Variants in ERBB4 observed in about 807,000 individuals in gnomAD.
ERBB4 encodes the protein erb-b2 receptor tyrosine kinase 4, also known as receptor tyrosine-protein kinase erbB-4.
ERBB4 carries 42 observed loss-of-function variants against 158.0 expected under a neutral mutation model. The observed-to-expected ratio is 0.27, with a 90% CI of 0.21 to 0.34. The LOEUF (loss-of-function observed/expected upper bound fraction) is 0.34, where lower values mean the gene tolerates loss of function less well. ERBB4 is among the 10% of genes least tolerant of loss of function. The pLI, the probability that ERBB4 is intolerant of heterozygous loss-of-function variation, is 1.00. For missense variants in ERBB4, 1,333 were observed against 1,624.1 expected, an observed-to-expected ratio of 0.82 and a Z score of 3.08; for synonymous variants, 583 against 558.7, an observed-to-expected ratio of 1.04 and a Z score of -0.61.
At chr2:211,675,933 T>C (rs2072054339) in intron 13 of ERBB4, among the ~76,000 whole-genome samples, 1 of 151,614 alleles carries the variant, frequency 6.6e-6, no homozygotes, top group African/African-American at 2.4e-5. Flanking sequence ...AAAAAGAAAA[T>C]AATGATAACA....
chr2:212,001,805 T>C (rs1008719451), intron 2 of ERBB4, among the ~76,000 whole-genome samples: 7 of 152,190 alleles, frequency 4.6e-5, no homozygotes, highest in African/African-American at 1.4e-4. Context: ...TACAAATTGC[T>C]TTATCCCCAA....
chr2:211,905,922 T>C (rs1057468321), intron 3 of ERBB4, among the ~76,000 whole-genome samples: 17 of 151,242 alleles, frequency 1.1e-4, no homozygotes, highest in African/African-American at 3.9e-4. Flanking sequence ...AGGTAGGGTG[T>C]TTGTGCACTT....
Position 211,424,067 on chromosome 2 carries a change from A to C in ERBB4, c.2866+88T>G, listed in dbSNP as rs1002187674. 5.3e-6 allele frequency: 7 copies of C among 1,324,330 alleles called. No individual in the cohort carries two copies. The African/African-American group carries it at 1.0e-4, about 19-fold the overall frequency. 82.0% of individuals were successfully genotyped at this position (1,324,330 alleles called of 1,614,324 possible). A position where few individuals can be genotyped will look rare whatever the true frequency, so the allele number is the denominator to read the frequency against. On this transcript the variant is annotated intron_variant, in intron 23 of 27. Transcript: ENST00000342788. ...TGTTTTTGAACTGTCGTATTTTTCAATACAGAGAAATGTTGTACAGATTGA... is the reference window on the plus strand; with the variant it reads ...TGTTTTTGAACTGTCGTATTTTTCACTACAGAGAAATGTTGTACAGATTGA...
intron 1 of ERBB4, among the ~76,000 whole-genome samples, chr2:212,444,294 A>G (rs778843132): frequency 6.6e-6 from 1 of 152,204 alleles, no homozygotes; most frequent in Non-Finnish European, 1.5e-5. Flanking sequence ...CAGTGAAGGA[A>G]AATTTTCCCA....
intron 1 of ERBB4, among the ~76,000 whole-genome samples, chr2:212,190,536 CA>C (rs11362884): frequency 0.76 from 98,418 of 129,084 alleles, 36,969 homozygotes; most frequent in South Asian, 0.87. Flanking sequence ...GACTCCGTCT[CA>C]AAAAAAAAAA....
At chr2:211,598,167 C>A (rs2068695074) in intron 19 of ERBB4, among the ~76,000 whole-genome samples, 1 of 152,056 alleles carries the variant, frequency 6.6e-6, no homozygotes, top group South Asian at 2.1e-4. Context: ...CCACGTCCTC[C>A]TCCTGTCCCC....
intron 1 of ERBB4, among the ~76,000 whole-genome samples, chr2:212,223,147 C>A (rs888275479): frequency 1.3e-5 from 2 of 151,280 alleles, no homozygotes; most frequent in African/African-American, 2.4e-5. Flanking sequence ...ATCTGAAAAT[C>A]TAATTTAACT....
At chr2:212,105,040 A>C (rs1353464766) in intron 2 of ERBB4, among the ~76,000 whole-genome samples, 1 of 152,284 alleles carries the variant, frequency 6.6e-6, no homozygotes, top group Non-Finnish European at 1.5e-5. Context: ...TTCTCAAAAA[A>C]AACCTGGGGA....
At chr2:212,325,256 A>G (rs2087772113) in intron 1 of ERBB4, among the ~76,000 whole-genome samples, 3 of 150,612 alleles carry the variant, frequency 2.0e-5, no homozygotes, top group African/African-American at 4.8e-5. Context: ...ATATAAAGGT[A>G]GTCCATAAAA....
chr2:211,471,827 T>C (rs892005637), intron 20 of ERBB4, among the ~76,000 whole-genome samples: 1 of 152,072 alleles, frequency 6.6e-6, no homozygotes, highest in Non-Finnish European at 1.5e-5. Flanking sequence ...GGCACATTAA[T>C]GAGTGGAACA....
In ERBB4 at chr2:211,711,349, A is replaced by G. The variant is rs140615948; in HGVS notation, c.1124+701T>C. On this transcript the variant is annotated intron_variant, in intron 9 of 27. Transcript: ENST00000342788. The stretch of plus-strand genomic sequence containing the variant: ...TTTATCTGTAGCCTGCAGCACTAAC[A>G]TTTAGGGATTAAGTAGTAATATAGA... 1.9e-3 allele frequency among the ~76,000 whole-genome samples: 284 copies of G among 152,296 alleles called. 1 individual carries two copies. The highest frequency in any genetic ancestry group is 5.9e-3 in the African/African-American group (245 of 41,576).
chr2:212,105,566 G>C (rs1012281566), intron 2 of ERBB4, among the ~76,000 whole-genome samples: 1 of 152,018 alleles, frequency 6.6e-6, no homozygotes, highest in Admixed American at 6.6e-5. Context: ...GTCATTTTTG[G>C]TAGTAATATT....
chr2:211,573,602 G>A (rs540719564), intron 19 of ERBB4, among the ~76,000 whole-genome samples: 5 of 152,200 alleles, frequency 3.3e-5, no homozygotes, highest in Middle Eastern at 3.4e-3. Flanking sequence ...CCCAGGAGGC[G>A]GAGCTTGCAG....
chr2:212,418,732 A>G (rs1217283220), intron 1 of ERBB4, among the ~76,000 whole-genome samples: 1 of 151,788 alleles, frequency 6.6e-6, no homozygotes, highest in Non-Finnish European at 1.5e-5. Context: ...TTAAATAACT[A>G]TAATTAGAAA....
intron 1 of ERBB4, among the ~76,000 whole-genome samples, chr2:212,421,485 G>T (rs2091791556): frequency 6.6e-6 from 1 of 152,006 alleles, no homozygotes; most frequent in African/African-American, 2.4e-5. Flanking sequence ...TATATCTAGT[G>T]TCACAAGTAG....
intron 1 of ERBB4, among the ~76,000 whole-genome samples, chr2:212,503,553 G>A (rs1691018403): frequency 6.6e-6 from 1 of 152,074 alleles, no homozygotes; most frequent in African/African-American, 2.4e-5. Flanking sequence ...CAGGTGTCAG[G>A]AATAATAAAG....
At chr2:211,846,273 C>T (rs762228798) in intron 3 of ERBB4, among the ~76,000 whole-genome samples, 2 of 151,960 alleles carry the variant, frequency 1.3e-5, no homozygotes, top group East Asian at 3.9e-4. Context: ...AATCTCCAGA[C>T]ACTTTTTTTC....
intron 19 of ERBB4, among the ~76,000 whole-genome samples, chr2:211,589,884 G>A (rs1261358646): frequency 1.3e-5 from 2 of 152,042 alleles, no homozygotes; most frequent in Non-Finnish European, 2.9e-5. Flanking sequence ...ATCAATTTGT[G>A]ACCACAGTTA....
At chr2:212,232,145 GTTA>G (rs2083686132) in intron 1 of ERBB4, among the ~76,000 whole-genome samples, 1 of 151,998 alleles carries the variant, frequency 6.6e-6, no homozygotes, top group African/African-American at 2.4e-5. Context: ...CTCAAGGGCT[GTTA>G]TTATAATACA....
Sources: gnomAD v4.1 joint callset for allele counts (sites outside exome capture counted in the v4.1 genomes callset) on GRCh38, gnomAD v4.1.1 for gene constraint, MANE v1.5 for transcripts, NCBI Gene and HGNC (gene_info 2026-07-23, HGNC 2026-07-21) for gene names.